The following SORBS2 variants were observed in gnomAD, a reference collection of about 807,000 sequenced individuals.
SORBS2 encodes sorbin and SH3 domain-containing protein 2.
Under a neutral mutation model 97.7 loss-of-function variants are expected in SORBS2, and 46 were observed. The observed-to-expected ratio is 0.47, with a 90% CI of 0.37 to 0.60. The LOEUF (loss-of-function observed/expected upper bound fraction) is 0.60, where lower values mean the gene tolerates loss of function less well. SORBS2 is among the 20% of genes least tolerant of loss of function. The pLI is 0.00. For synonymous variants in SORBS2, 476 were observed against 473.4 expected, an observed-to-expected ratio of 1.01 and a Z score of -0.07; for missense variants, 1,316 against 1,282.3, an observed-to-expected ratio of 1.03 and a Z score of -0.40.
At chr4:185,780,449 A>G (rs2099022971) in intron 1 of SORBS2, among the ~76,000 whole-genome samples, 1 of 152,196 alleles carries the variant, frequency 6.6e-6, no homozygotes, top group South Asian at 2.1e-4. Flanking sequence ...AACCTCACCC[A>G]TGGTATGCCA....
At chr4:185,712,441 C>T (rs547734357) in intron 2 of SORBS2, among the ~76,000 whole-genome samples, 1 of 152,354 alleles carries the variant, frequency 6.6e-6, no homozygotes, top group East Asian at 1.9e-4. Context: ...TTTGTTTGTG[C>T]AACCTCATTT....
At chr4:185,780,207 G>T (rs1210631324) in intron 1 of SORBS2, among the ~76,000 whole-genome samples, 1 of 151,924 alleles carries the variant, frequency 6.6e-6, no homozygotes, top group Non-Finnish European at 1.5e-5. Flanking sequence ...TAGAGATGGG[G>T]TTTTTCCATG....
At chr4:185,754,877 A>T (rs142328544) in intron 2 of SORBS2, among the ~76,000 whole-genome samples, 1 of 152,188 alleles carries the variant, frequency 6.6e-6, no homozygotes, top group African/African-American at 2.4e-5. Flanking sequence ...AGGGCAATAC[A>T]TCACTTCTAC....
chr4:185,888,963 G>A (rs1033885920), intron 1 of SORBS2, among the ~76,000 whole-genome samples: 1 of 152,254 alleles, frequency 6.6e-6, no homozygotes, highest in Non-Finnish European at 1.5e-5. Context: ...GTGCATAGCT[G>A]TATCTCTTTC....
intron 1 of SORBS2, among the ~76,000 whole-genome samples, chr4:185,797,574 G>A (rs766412468): frequency 6.6e-6 from 1 of 152,070 alleles, no homozygotes; most frequent in Non-Finnish European, 1.5e-5. Context: ...CGTGCCAGGC[G>A]CTATGCCGGT....
In SORBS2 at chr4:185,897,802, C is replaced by T. The variant is rs760523098; in HGVS notation, c.-338+58394G>A. Reference sequence around the variant, plus strand: ...CTGTAATCCCAGCACTTTGGGAGGCCGAGGCAGGCAGATTACCTGAGGTCA... The same window carrying T: ...CTGTAATCCCAGCACTTTGGGAGGCTGAGGCAGGCAGATTACCTGAGGTCA... On this transcript the variant is annotated intron_variant, in intron 1 of 20. Coordinates refer to the SORBS2 transcript ENST00000284776. Among the ~76,000 whole-genome samples the T allele has an allele frequency of 7.9e-5, 12 of 151,908 alleles. 1 individual carries two copies. Among genetic ancestry groups the T allele is most frequent in the South Asian group, 2.1e-4 (1 of 4,810 alleles).
chr4:185,831,013 C>T (rs1005542565), intron 1 of SORBS2, among the ~76,000 whole-genome samples: 5 of 152,074 alleles, frequency 3.3e-5, no homozygotes, highest in Non-Finnish European at 7.3e-5. Context: ...CTTATTTGGG[C>T]GCTATTCTAA....
chr4:185,638,743 G>A, intron 4 of SORBS2, 134 bp downstream of exon 14: 1 of 776,918 alleles, frequency 1.3e-6, no homozygotes, highest in Non-Finnish European at 1.9e-6. Context: ...GGGGCCTGTG[G>A]ATGAGAAGAT....
At chr4:185,595,894 T>G (rs569821447) in intron 12 of SORBS2, among the ~76,000 whole-genome samples, 25 of 152,248 alleles carry the variant, frequency 1.6e-4, no homozygotes, top group African/African-American at 5.1e-4. Flanking sequence ...GAGTATGCAT[T>G]AAAGCCATAT....
intron 9 of SORBS2, 24 bp from the exon 22 acceptor site, chr4:185,615,183 T>C: frequency 1.5e-6 from 2 of 1,375,980 alleles, no homozygotes; most frequent in Non-Finnish European, 2.1e-6. Context: ...GTTGACATGG[T>C]CTTTTTGTGA....
chr4:185,725,049 G>A (rs1323148962), intron 2 of SORBS2, among the ~76,000 whole-genome samples: 6 of 152,008 alleles, frequency 3.9e-5, no homozygotes, highest in South Asian at 4.2e-4. Context: ...TACATAAGAC[G>A]GTGTTGCCAG....
chr4:185,779,088 C>T (rs2099014774), intron 1 of SORBS2, among the ~76,000 whole-genome samples: 2 of 152,228 alleles, frequency 1.3e-5, no homozygotes, highest in Admixed American at 6.5e-5. Flanking sequence ...ACGCTGGTAA[C>T]ATTTAAAACT....
intron 1 of SORBS2, among the ~76,000 whole-genome samples, chr4:185,899,870 A>G (rs1301759430): frequency 3.3e-5 from 5 of 152,158 alleles, no homozygotes; most frequent in Non-Finnish European, 7.4e-5. Context: ...AAGGGGGTAA[A>G]GTTGGAAATA....
intron 1 of SORBS2, among the ~76,000 whole-genome samples, chr4:185,843,407 C>A (rs544807100): frequency 6.6e-6 from 1 of 152,030 alleles, no homozygotes; most frequent in African/African-American, 2.4e-5. Flanking sequence ...AGAAATAAAA[C>A]GGTTTTTATT....
intron 1 of SORBS2, among the ~76,000 whole-genome samples, chr4:185,877,111 A>G (rs191802810): frequency 2.3e-3 from 343 of 152,364 alleles, no homozygotes; most frequent in African/African-American, 5.6e-3. Flanking sequence ...GGATAGAAAC[A>G]TAATTACATT....
exon 7 of SORBS2, chr4:185,624,301 T>C (rs1369317166): frequency 6.2e-7 from 1 of 1,614,236 alleles, no homozygotes. Flanking sequence ...AGACGGTTTC[T>C]TCCGTGCTGC....
chr4:185,650,400 A>G (rs979051325), intron 2 of SORBS2, among the ~76,000 whole-genome samples: 2 of 152,084 alleles, frequency 1.3e-5, no homozygotes, highest in Non-Finnish European at 2.9e-5. Context: ...GTATAGAAAA[A>G]AAGGCAGAAA....
intron 1 of SORBS2, among the ~76,000 whole-genome samples, chr4:185,826,818 C>G (rs2099200125): frequency 6.6e-6 from 1 of 152,156 alleles, no homozygotes; most frequent in Admixed American, 6.5e-5. Context: ...AATTATGTGA[C>G]CATGAGCAAA....
chr4:185,632,427 A>G (rs2096923080), intron 4 of SORBS2, among the ~76,000 whole-genome samples: 1 of 152,240 alleles, frequency 6.6e-6, no homozygotes, highest in Admixed American at 6.5e-5. Flanking sequence ...ATATGTGTAC[A>G]TGGTTATTTT....
Sources: gnomAD v4.1 joint callset for allele counts (sites outside exome capture counted in the v4.1 genomes callset) on GRCh38, gnomAD v4.1.1 for gene constraint, MANE v1.5 for transcripts, NCBI Gene and HGNC (gene_info 2026-07-23, HGNC 2026-07-21) for gene names.